The following SLX4IP variants were observed in gnomAD, a reference collection of about 807,000 sequenced individuals.
SLX4IP encodes the protein SLX4 interacting protein, also known as protein SLX4IP.
Under a neutral mutation model 32.9 loss-of-function variants are expected in SLX4IP, and 34 were observed. That is an observed-to-expected ratio of 1.03 (90% CI 0.79 to 1.38). The LOEUF (loss-of-function observed/expected upper bound fraction) is 1.38, where lower values mean the gene tolerates loss of function less well. Among genes scored for constraint, SLX4IP ranks in the 40% most tolerant of loss-of-function variants. SLX4IP has a pLI of 0.00. For synonymous variants in SLX4IP, 172 were observed against 171.7 expected (o/e 1.00, Z -0.01); for missense variants, 444 against 479.0 (o/e 0.93, Z 0.68).
At chr20:10,496,001 A>G (rs947923124) in intron 2 of SLX4IP, among the ~76,000 whole-genome samples, 3 of 150,874 alleles carry the variant, frequency 2.0e-5, no homozygotes, top group Admixed American at 6.6e-5. Context: ...GTAAGTAGCA[A>G]ATAGCTGGGT....
chr20:10,446,974 T>C (rs2065207877), intron 1 of SLX4IP, among the ~76,000 whole-genome samples: 1 of 152,240 alleles, frequency 6.6e-6, no homozygotes, highest in Non-Finnish European at 1.5e-5. Flanking sequence ...TTTCTCTGTC[T>C]AGTTAAAAAA....
intron 6 of SLX4IP, among the ~76,000 whole-genome samples, chr20:10,603,674 C>T (rs1434885732): frequency 6.6e-6 from 1 of 152,150 alleles, no homozygotes; most frequent in Non-Finnish European, 1.5e-5. Flanking sequence ...CCACATATGT[C>T]AGCTAAAGCC....
chr20:10,601,858 TA>T, intron 6 of SLX4IP, 39 bp downstream of exon 6: 1 of 1,543,258 alleles, frequency 6.5e-7, no homozygotes, highest in Non-Finnish European at 9.0e-7. Context: ...TAAGTCTGCT[TA>T]AATGCTGAGT....
At chr20:10,570,744 G>C (rs1161275775) in intron 4 of SLX4IP, among the ~76,000 whole-genome samples, 1 of 152,076 alleles carries the variant, frequency 6.6e-6, no homozygotes, top group Non-Finnish European at 1.5e-5. Flanking sequence ...GGTCAGGCTG[G>C]TCTGGAACTC....
intron 2 of SLX4IP, among the ~76,000 whole-genome samples, chr20:10,525,337 A>G (rs1284987754): frequency 6.6e-6 from 1 of 152,014 alleles, no homozygotes; most frequent in East Asian, 1.9e-4. Context: ...GCCAATTTTG[A>G]TGTTATATAT....
intron 1 of SLX4IP, among the ~76,000 whole-genome samples, chr20:10,443,762 G>T (rs1194022430): frequency 1.3e-5 from 2 of 152,206 alleles, no homozygotes; most frequent in Non-Finnish European, 2.9e-5. Flanking sequence ...CTGGTTGAAG[G>T]TGATTGTTCA....
chr20:10,608,020 G>T (rs2066923673), intron 6 of SLX4IP, among the ~76,000 whole-genome samples: 1 of 152,250 alleles, frequency 6.6e-6, no homozygotes, highest in Non-Finnish European at 1.5e-5. Flanking sequence ...AGGATCATTA[G>T]ATAGGATAAG....
chr20:10,512,467 G>T (rs1339652145), intron 2 of SLX4IP, among the ~76,000 whole-genome samples: 1 of 150,740 alleles, frequency 6.6e-6, no homozygotes, highest in Non-Finnish European at 1.5e-5. Context: ...CTGGAGTTCA[G>T]TGGTACAATC....
intron 2 of SLX4IP, among the ~76,000 whole-genome samples, chr20:10,478,774 A>G (rs543330858): frequency 6.6e-6 from 1 of 152,260 alleles, no homozygotes; most frequent in Admixed American, 6.5e-5. Context: ...TCAAAGGTCA[A>G]TTTTGGACCC....
intron 4 of SLX4IP, among the ~76,000 whole-genome samples, chr20:10,572,785 C>T (rs1450004024): frequency 2.6e-5 from 4 of 152,086 alleles, no homozygotes; most frequent in Non-Finnish European, 4.4e-5. Context: ...AGCCAAAGTA[C>T]CTAGCCCTCT....
chr20:10,438,472 GTT>G (rs35297842), intron 1 of SLX4IP, among the ~76,000 whole-genome samples: 8 of 98,876 alleles, frequency 8.1e-5, no homozygotes, highest in Admixed American at 1.1e-4. Flanking sequence ...AGGTGTGTGT[GTT>G]TTTTTTTTTT....
intron 2 of SLX4IP, among the ~76,000 whole-genome samples, chr20:10,545,919 A>T (rs1156487203): frequency 6.6e-6 from 1 of 152,214 alleles, no homozygotes; most frequent in African/African-American, 2.4e-5. Flanking sequence ...GTTTGTCATA[A>T]ATTCCTCTAA....
chr20:10,435,903 A>C (rs1035547343), intron 1 of SLX4IP, among the ~76,000 whole-genome samples: 1 of 152,246 alleles, frequency 6.6e-6, no homozygotes. Context: ...GTTAGCTAAA[A>C]AAAATCCATT....
intron 6 of SLX4IP, among the ~76,000 whole-genome samples, chr20:10,605,165 G>C (rs1190663776): frequency 6.6e-6 from 1 of 152,132 alleles, no homozygotes; most frequent in African/African-American, 2.4e-5. Context: ...ATAGAACTCT[G>C]TATATATCTG....
chr20:10,579,815 A>T (rs1263147147), intron 4 of SLX4IP, among the ~76,000 whole-genome samples: 2 of 152,074 alleles, frequency 1.3e-5, no homozygotes, highest in Non-Finnish European at 2.9e-5. Context: ...TTGTCTTCTC[A>T]TTCTTTTAAT....
At chr20:10,589,492 A>G (rs1410519898) in intron 4 of SLX4IP, among the ~76,000 whole-genome samples, 1 of 152,228 alleles carries the variant, frequency 6.6e-6, no homozygotes, top group East Asian at 1.9e-4. Context: ...TATTATAAAT[A>G]AAGCTCAGGT....
In SLX4IP at chr20:10,622,881, T is replaced by G; in HGVS notation, c.729T>G (p.Val243=). The G allele has an allele frequency of 1.2e-6, 2 of 1,614,034 alleles. No individual in the cohort carries two copies. The highest frequency in any genetic ancestry group is 1.7e-6 in the Non-Finnish European group (2 of 1,179,988). The change falls in exon 8 of 8, where the codon GTT becomes GTG. Residue 243 remains valine, a synonymous_variant. Transcript: ENST00000334534. ...WGLPVQKLEK[V]NQTQPEDTSG... The stretch of plus-strand genomic sequence containing the variant: ...TTCCTGTTCAAAAGCTGGAAAAAGT[T>G]AATCAGACCCAGCCAGAAGACACTA...
At position 10,531,935 on chromosome 20, in the gene SLX4IP, A is replaced by G. The variant is rs781409091; in HGVS notation, c.28-24296A>G. On this transcript the variant is annotated intron_variant, in intron 2 of 7. Transcript: ENST00000334534. The stretch of plus-strand genomic sequence containing the variant: ...CTGTTGGATTCTCAGGATAGTTTTC[A>G]TTTCTTTATAGCTTTTATTCTCCAT... Among the ~76,000 whole-genome samples, 33 of 152,150 alleles carry G rather than the reference A, an allele frequency of 2.2e-4. 1 individual carries two copies. Among genetic ancestry groups the G allele is most frequent in the Admixed American group, 2.6e-4 (4 of 15,276 alleles).
At chr20:10,459,506 G>A (rs1052113870) in intron 2 of SLX4IP, among the ~76,000 whole-genome samples, 5 of 152,170 alleles carry the variant, frequency 3.3e-5, no homozygotes, top group Admixed American at 1.3e-4. Flanking sequence ...GTTATGAGGC[G>A]TTCCTTGCTT....
Sources: allele counts gnomAD v4.1 joint callset (sites outside exome capture counted in the v4.1 genomes callset), GRCh38; gene constraint gnomAD v4.1.1; transcripts MANE v1.5; gene names NCBI Gene and HGNC (gene_info 2026-07-23, HGNC 2026-07-21).